APP: variants seen among roughly 807,000 people sequenced by gnomAD.
APP encodes the protein amyloid-beta precursor protein.
APP carries 31 observed loss-of-function variants against 101.4 expected under a neutral mutation model. The observed-to-expected ratio is 0.31, with a 90% CI of 0.23 to 0.41. The LOEUF is 0.41. Among genes scored for constraint, APP ranks in the 10% least tolerant of loss-of-function variants. The pLI, the probability that APP is intolerant of heterozygous loss-of-function variation, is 1.00. For synonymous variants in APP, 366 were observed against 364.4 expected, an observed-to-expected ratio of 1.00 and a Z score of -0.05; for missense variants, 839 against 1,003.7, an observed-to-expected ratio of 0.84 and a Z score of 2.22.
At position 26,019,409 on chromosome 21, in the gene APP, G is replaced by A. The variant is rs141219666; in HGVS notation, c.865+2431C>T. On this transcript the variant is annotated intron_variant, in intron 6 of 17. Transcript: ENST00000346798. ...GACACACCACCCACCCACACTTTTGGCTCTAGTTCAAATGTCATGCTCTCC... is the reference window on the plus strand; with the variant it reads ...GACACACCACCCACCCACACTTTTGACTCTAGTTCAAATGTCATGCTCTCC... Among the ~76,000 whole-genome samples the A allele has an allele frequency of 1.2e-4, 18 of 152,004 alleles. No homozygotes were observed. The East Asian group carries it at 3.3e-3, about 28-fold the overall frequency.
At chr21:26,022,136 AGAAG>A in intron 5 of APP, 94 bp from the exon 6 acceptor site, 1 of 1,426,324 alleles carries the variant, frequency 7.0e-7, no homozygotes, top group Non-Finnish European at 9.8e-7. Context: ...TGGCAATTTG[AGAAG>A]AAACACACCC....
intron 1 of APP, among the ~76,000 whole-genome samples, chr21:26,114,695 T>TA (rs1282165998): frequency 6.6e-6 from 1 of 150,618 alleles, no homozygotes; most frequent in Non-Finnish European, 1.5e-5. Flanking sequence ...AAATGCTTCA[T>TA]TTTTTTTTCC....
intron 3 of APP, among the ~76,000 whole-genome samples, chr21:26,080,349 G>GA (rs2061572495): frequency 6.6e-6 from 1 of 152,184 alleles, no homozygotes; most frequent in African/African-American, 2.4e-5. Flanking sequence ...AAATGGCTAA[G>GA]CATGAATAAC....
At chr21:26,111,590 C>A (rs2062325703) in intron 2 of APP, among the ~76,000 whole-genome samples, 1 of 151,460 alleles carries the variant, frequency 6.6e-6, no homozygotes, top group South Asian at 2.1e-4. Context: ...TAAAAAAAAT[C>A]AGTCAGGCCT....
intron 8 of APP, among the ~76,000 whole-genome samples, chr21:25,996,978 A>AG (rs1209991608): frequency 6.6e-6 from 1 of 152,224 alleles, no homozygotes; most frequent in Non-Finnish European, 1.5e-5. Flanking sequence ...CACTGCACCT[A>AG]GCCCTTGTTC....
intron 3 of APP, among the ~76,000 whole-genome samples, chr21:26,088,379 C>T (rs559619343): frequency 6.6e-6 from 1 of 152,262 alleles, no homozygotes; most frequent in East Asian, 1.9e-4. Context: ...AACATGACTG[C>T]AGTTTTGAGT....
At chr21:25,913,820 T>C (rs2039205000) in intron 13 of APP, among the ~76,000 whole-genome samples, 1 of 152,216 alleles carries the variant, frequency 6.6e-6, no homozygotes, top group African/African-American at 2.4e-5. Context: ...TTCATCCCTG[T>C]CATTTTCTTC....
chr21:25,937,524 C>T (rs1351215850), intron 13 of APP, among the ~76,000 whole-genome samples: 1 of 152,172 alleles, frequency 6.6e-6, no homozygotes, highest in East Asian at 1.9e-4. Context: ...TGTCAATTTT[C>T]CCTTTCATCT....
In APP at chr21:25,905,034, G is replaced by A. The variant is rs760100945; in HGVS notation, c.1953C>T (p.Thr651=). The A allele has an allele frequency of 1.9e-6, 3 of 1,613,698 alleles. No homozygotes were observed. The highest frequency in any genetic ancestry group is 2.5e-6 in the Non-Finnish European group (3 of 1,179,880). Reference sequence around the variant, plus strand: ...AAGCGGTTCTGATACCTGGTCGAGTGGTCAGTCCTCGGTCGGCAGCAGGGC... The same window carrying A: ...AAGCGGTTCTGATACCTGGTCGAGTAGTCAGTCCTCGGTCGGCAGCAGGGC... The part of the protein sequence containing the change: ...DARPAADRGL[T]TRPGSGLTNI... Residue 651 remains threonine, a synonymous_variant, in exon 15 of 18, where the codon ACC becomes ACT. Coordinates refer to ENST00000346798, the MANE Select transcript of APP (RefSeq NM_000484.4).
At chr21:25,963,639 G>T (rs1601044300) in intron 11 of APP, among the ~76,000 whole-genome samples, 1 of 152,148 alleles carries the variant, frequency 6.6e-6, no homozygotes, top group Non-Finnish European at 1.5e-5. Flanking sequence ...TTACACCCTG[G>T]ATTTCAAGAA....
intron 13 of APP, among the ~76,000 whole-genome samples, chr21:25,943,916 A>T (rs983371135): frequency 6.6e-6 from 1 of 152,210 alleles, no homozygotes; most frequent in African/African-American, 2.4e-5. Flanking sequence ...ATTAAATCGC[A>T]TGTATAAAAA....
intron 1 of APP, among the ~76,000 whole-genome samples, chr21:26,143,681 C>T (rs2063097152): frequency 6.6e-6 from 1 of 152,208 alleles, no homozygotes; most frequent in Non-Finnish European, 1.5e-5. Flanking sequence ...CAAGTTTGCA[C>T]CCTTTGACCA....
intron 13 of APP, among the ~76,000 whole-genome samples, chr21:25,922,912 G>A (rs1447532566): frequency 4.4e-5 from 6 of 136,122 alleles, no homozygotes; most frequent in Admixed American, 2.2e-4. Context: ...AAAAGAGCCC[G>A]CATCGCCAAG....
At chr21:26,042,809 G>T (rs2045434442) in intron 5 of APP, among the ~76,000 whole-genome samples, 1 of 152,136 alleles carries the variant, frequency 6.6e-6, no homozygotes, top group African/African-American at 2.4e-5. Context: ...TTAGCCATTT[G>T]GGAGGCTGAG....
chr21:25,995,506 C>G (rs9974796), intron 8 of APP, among the ~76,000 whole-genome samples: 32,231 of 152,070 alleles, frequency 0.21, 3,510 homozygotes, highest in South Asian at 0.32. Context: ...TGGCTTGGGA[C>G]AAGTCACTAA....
At chr21:26,093,359 C>T (rs1465759443) in intron 2 of APP, among the ~76,000 whole-genome samples, 1 of 152,176 alleles carries the variant, frequency 6.6e-6, no homozygotes, top group Non-Finnish European at 1.5e-5. Context: ...GTTCTTTTCA[C>T]TGAAAGACAA....
chr21:26,119,343 C>G (rs2062510441), intron 1 of APP, among the ~76,000 whole-genome samples: 1 of 152,166 alleles, frequency 6.6e-6, no homozygotes, highest in African/African-American at 2.4e-5. Flanking sequence ...AGCAAACCCA[C>G]AGCTTAAATG....
At chr21:25,952,183 T>TACACAC (rs1235142196) in intron 13 of APP, among the ~76,000 whole-genome samples, 2 of 120,498 alleles carry the variant, frequency 1.7e-5, no homozygotes, top group African/African-American at 5.5e-5. Context: ...GAGAGCATAT[T>TACACAC]ACATACATAC....
At chr21:25,997,135 G>T in intron 8 of APP, 1 of 576,452 alleles carries the variant, frequency 1.7e-6, no homozygotes, top group Non-Finnish European at 3.1e-6. Context: ...AAGGAAATTG[G>T]TCAGAAATAG....
Sources: allele counts gnomAD v4.1 joint callset (sites outside exome capture counted in the v4.1 genomes callset), GRCh38; gene constraint gnomAD v4.1.1; transcripts MANE v1.5; gene names NCBI Gene and HGNC (gene_info 2026-07-23, HGNC 2026-07-21).